HDGFL3: variants seen among roughly 807,000 people sequenced by gnomAD.
HDGFL3 encodes the protein HDGF like 3.
A neutral mutation model predicts 27.6 loss-of-function variants in HDGFL3; 6 were observed. That is an observed-to-expected ratio of 0.22 (90% CI 0.12 to 0.43). The LOEUF is 0.43. Ranked by LOEUF, HDGFL3 falls within the 20% of genes least tolerant of loss-of-function variation. The pLI, the probability that HDGFL3 is intolerant of heterozygous loss-of-function variation, is 1.00. For missense variants in HDGFL3, 207 were observed against 250.1 expected (o/e 0.83, Z 1.16); for synonymous variants, 88 against 88.9 (o/e 0.99, Z 0.05).
At chr15:83,205,170 C>T (rs2151424537) in intron 1 of HDGFL3, among the ~76,000 whole-genome samples, 1 of 152,126 alleles carries the variant, frequency 6.6e-6, no homozygotes, top group East Asian at 1.9e-4. Context: ...ACAGCTATAC[C>T]TAGGTGTAAG....
chr15:83,176,608 G>A (rs2151413468), intron 1 of HDGFL3, among the ~76,000 whole-genome samples: 1 of 152,036 alleles, frequency 6.6e-6, no homozygotes, highest in East Asian at 1.9e-4. Context: ...AGTGTCACTG[G>A]GACTCATTAG....
chr15:83,157,678 C>G, intron 3 of HDGFL3, 105 bp from the exon 4 acceptor site: 2 of 1,192,344 alleles, frequency 1.7e-6, no homozygotes, highest in Admixed American at 2.6e-5. Flanking sequence ...TCCGCTTACT[C>G]GGAAGATTTT....
chr15:83,124,815 C>T (rs779538245), downstream of HDGFL3: 7 of 1,442,334 alleles, frequency 4.9e-6, no homozygotes, highest in South Asian at 1.2e-5. Flanking sequence ...CATTGTGATA[C>T]TACTCACATT....
chr15:83,182,110 T>A (rs942232052), intron 1 of HDGFL3, among the ~76,000 whole-genome samples: 4 of 152,240 alleles, frequency 2.6e-5, no homozygotes, highest in Non-Finnish European at 4.4e-5. Flanking sequence ...GATATTTCCC[T>A]TTTCTCATAG....
chr15:83,197,648 C>T (rs1277698560), intron 1 of HDGFL3, among the ~76,000 whole-genome samples: 1 of 152,226 alleles, frequency 6.6e-6, no homozygotes, highest in Admixed American at 6.5e-5. Context: ...GATACCTCCA[C>T]AGTCTAGTCC....
chr15:83,161,777 T>C (rs1404922882), intron 2 of HDGFL3, among the ~76,000 whole-genome samples: 1 of 152,230 alleles, frequency 6.6e-6, no homozygotes, highest in Non-Finnish European at 1.5e-5. Flanking sequence ...GATAATTGTG[T>C]AAATCAAATC....
chr15:83,201,573 TC>T (rs1300331746), intron 1 of HDGFL3, among the ~76,000 whole-genome samples: 1 of 152,206 alleles, frequency 6.6e-6, no homozygotes, highest in Admixed American at 6.5e-5. Context: ...ATAATACTTT[TC>T]TAATGCAAAC....
intron 1 of HDGFL3, among the ~76,000 whole-genome samples, chr15:83,191,562 G>T (rs1462816240): frequency 1.3e-5 from 2 of 152,070 alleles, no homozygotes; most frequent in African/African-American, 2.4e-5. Context: ...TTTTTTATTG[G>T]AAACATATAA....
In HDGFL3 at chr15:83,129,338, TTC is replaced by T. The variant is rs1219791895; in HGVS notation, c.*9930_*9931del. 2 of 152,238 alleles carry T rather than the reference TTC, an allele frequency of 1.3e-5. No homozygotes were observed. Among genetic ancestry groups the T allele is most frequent in the African/African-American group, 4.8e-5 (2 of 41,468 alleles). The allele number at this position is 152,238 out of a possible 1,614,324, so 9.4% of individuals were successfully genotyped here. A position where few individuals can be genotyped will look rare whatever the true frequency, so the allele number is the denominator to read the frequency against. On this transcript the variant is annotated 3_prime_UTR_variant, in exon 6 of 6. Coordinates refer to ENST00000299633, the MANE Select transcript of HDGFL3 (RefSeq NM_016073.4). ...TAGCTTAACACAATTAAAATTTTAA[TTC>T]TTTTTTATGCAAAGATCATGTGGGA...
intron 1 of HDGFL3, among the ~76,000 whole-genome samples, chr15:83,190,191 G>C (rs973256878): frequency 1.1e-4 from 15 of 136,606 alleles, no homozygotes; most frequent in African/African-American, 4.4e-4. Context: ...CTGGGCAACA[G>C]AGCTGAACTC....
chr15:83,180,116 A>G (rs1453423520), intron 1 of HDGFL3, among the ~76,000 whole-genome samples: 1 of 146,768 alleles, frequency 6.8e-6, no homozygotes, highest in South Asian at 2.2e-4. Context: ...GTGGAAAAGG[A>G]AAAAAAAAAA....
chr15:83,164,182 A>G (rs3816450), intron 1 of HDGFL3, 107 bp from the exon 2 acceptor site: 84,319 of 753,244 alleles, frequency 0.11, 6,581 homozygotes, highest in East Asian at 0.39. Flanking sequence ...ATCAAAACTC[A>G]GATAGTTTTT....
downstream of HDGFL3, chr15:83,124,580 C>A (rs978868716): frequency 1.0e-5 from 10 of 974,138 alleles, no homozygotes; most frequent in Non-Finnish European, 1.6e-5. Flanking sequence ...CTTCAAAATT[C>A]TCTTATCCAT....
At chr15:83,154,466 A>G (rs1342783525) in intron 4 of HDGFL3, among the ~76,000 whole-genome samples, 2 of 152,330 alleles carry the variant, frequency 1.3e-5, no homozygotes, top group East Asian at 3.9e-4. Context: ...GATCAGCAGG[A>G]TAAGCCTCAC....
At position 83,132,899 on chromosome 15, in the gene HDGFL3, A is replaced by G. The variant is rs2036350842; in HGVS notation, c.*6371T>C. The G allele has an allele frequency of 6.6e-6, 1 of 152,210 alleles. No individual in the cohort carries two copies. Among genetic ancestry groups the G allele is most frequent in the Non-Finnish European group, 1.5e-5 (1 of 68,040 alleles). 9.4% of individuals were successfully genotyped at this position (152,210 alleles called of 1,614,324 possible). On this transcript the variant is annotated 3_prime_UTR_variant, in exon 6 of 6. Coordinates refer to ENST00000299633, the MANE Select transcript of HDGFL3 (RefSeq NM_016073.4). ...CTTTTATGTACTTATCCTTTCATGGAGACACTCACAGTAAAAAGGTCAAAA... is the reference window on the plus strand; with the variant it reads ...CTTTTATGTACTTATCCTTTCATGGGGACACTCACAGTAAAAAGGTCAAAA...
At chr15:83,182,276 T>TATCTTCTG (rs2037390695) in intron 1 of HDGFL3, among the ~76,000 whole-genome samples, 1 of 152,238 alleles carries the variant, frequency 6.6e-6, no homozygotes, top group Admixed American at 6.5e-5. Flanking sequence ...CATGAAGTAG[T>TATCTTCTG]ATCTTCTGTG....
intron 5 of HDGFL3, among the ~76,000 whole-genome samples, chr15:83,150,539 T>A (rs8035810): frequency 0.38 from 57,920 of 151,986 alleles, 13,061 homozygotes; most frequent in African/African-American, 0.64. Context: ...GCAAGAACTC[T>A]GCTGAAACCA....
Position 83,170,423 on chromosome 15 carries a change from C to G in HDGFL3, c.85-6348G>C, listed in dbSNP as rs1424163823. ...ACCCAGAAATAAAGCCATATACCTA[C>G]AGCCATCTGATCTTTGACAAAGTGG... is the stretch of plus-strand genomic sequence containing the variant. On this transcript the variant is annotated intron_variant, in intron 1 of 5. Transcript: ENST00000299633. 2.0e-5 allele frequency among the ~76,000 whole-genome samples: 3 copies of G among 152,208 alleles called. No individual in the cohort carries two copies. In the South Asian group the frequency reaches 6.2e-4, roughly 32 times the overall value.
intron 3 of HDGFL3, among the ~76,000 whole-genome samples, chr15:83,119,398 T>C (rs1414103515): frequency 6.6e-6 from 1 of 152,240 alleles, no homozygotes; most frequent in African/African-American, 2.4e-5. Context: ...CAGACCCTGG[T>C]TTTGGCAGCT....
Sources: gnomAD v4.1 joint callset for allele counts (sites outside exome capture counted in the v4.1 genomes callset) on GRCh38, gnomAD v4.1.1 for gene constraint, MANE v1.5 for transcripts, NCBI Gene and HGNC (gene_info 2026-07-23, HGNC 2026-07-21) for gene names.